DMC1: variants seen among roughly 807,000 people sequenced by gnomAD.
The protein encoded by DMC1 is meiotic recombination protein DMC1 homolog.
DMC1 carries 27 observed loss-of-function variants against 50.1 expected under a neutral mutation model. The ratio of observed to expected loss-of-function variants is 0.54; its 90% confidence interval spans 0.40 to 0.74. The LOEUF is 0.74. Ranked by LOEUF, DMC1 falls within the 30% of genes least tolerant of loss-of-function variation. The probability of loss-of-function intolerance (pLI) is 0.00; values close to 1 mark genes in which losing one functional copy is unlikely to be tolerated. For missense variants in DMC1, 295 were observed against 420.2 expected (o/e 0.70, Z 2.60); for synonymous variants, 148 against 136.1 (o/e 1.09, Z -0.61).
downstream of DMC1, among the ~76,000 whole-genome samples, chr22:38,518,712 T>G (rs56175827): frequency 0.046 from 7,023 of 151,950 alleles, 282 homozygotes; most frequent in East Asian, 0.11. Context: ...TTTGTATTTT[T>G]GTAGAGACGG....
chr22:38,562,493 T>C (rs1228265203), intron 4 of DMC1, 124 bp from the exon 5 acceptor site: 7 of 722,362 alleles, frequency 9.7e-6, no homozygotes, highest in African/African-American at 7.0e-5. Flanking sequence ...ACAGTTCACT[T>C]GTCCTTGAAG....
chr22:38,528,395 T>G (rs2090119042), intron 12 of DMC1, among the ~76,000 whole-genome samples: 1 of 152,016 alleles, frequency 6.6e-6, no homozygotes, highest in Admixed American at 6.6e-5. Context: ...ACAAGGCTCC[T>G]ATGTGCCAGG....
At position 38,519,851 on chromosome 22, in the gene DMC1, C is replaced by A. The variant is rs2090004610; in HGVS notation, c.*169G>T. On this transcript the variant is annotated 3_prime_UTR_variant, in exon 14 of 14. Transcript: ENST00000216024. The stretch of plus-strand genomic sequence containing the variant: ...GAATTTACATACAATGTATAGTTAT[C>A]ATAAATCAGGGACTTTTAAGATAAA... 3.3e-6 allele frequency: 2 copies of A among 607,628 alleles called. No individual in the cohort carries two copies. The highest frequency in any genetic ancestry group is 2.3e-5 in the Admixed American group (1 of 42,636). The allele number at this position is 607,628 out of a possible 1,614,324, so 37.6% of individuals were successfully genotyped here.
chr22:38,535,166 G>A (rs1175650175), intron 12 of DMC1, among the ~76,000 whole-genome samples: 4 of 151,994 alleles, frequency 2.6e-5, no homozygotes, highest in Non-Finnish European at 5.9e-5. Flanking sequence ...GGGTGTGGTG[G>A]TAGGTGCCTG....
chr22:38,539,322 A>G lies in DMC1; in HGVS notation c.585T>C (p.Thr195=), dbSNP rs772253533. ...CATCCAACTGCATGGGGCTCTTACTAGTATATGCACGTGCATAAAGTACGT... is the reference window on the plus strand; with the variant it reads ...CATCCAACTGCATGGGGCTCTTACTGGTATATGCACGTGCATAAAGTACGT... ...LDNVLYARAY[T]SEHQMELLDY... is the part of the protein sequence containing the mutation. Residue 195 remains threonine (T), a splice_region_variant and synonymous_variant, in exon 9 of 14, where the codon ACT becomes ACC. Coordinates refer to ENST00000216024, the MANE Select transcript of DMC1 (RefSeq NM_007068.4). The G allele has an allele frequency of 1.2e-6, 2 of 1,611,696 alleles. No homozygotes were observed. The highest frequency in any genetic ancestry group is 2.2e-5 in the South Asian group (2 of 91,030).
chr22:38,550,057 T>C, intron 7 of DMC1, 60 bp from the exon 8 acceptor site: 3 of 1,216,916 alleles, frequency 2.5e-6, no homozygotes, highest in Middle Eastern at 2.1e-4. Context: ...CACATGACTA[T>C]ATAAATACAC....
intron 6 of DMC1, 87 bp downstream of exon 6, chr22:38,555,266 GTTTA>G (rs776159338): frequency 4.9e-5 from 40 of 821,484 alleles, no homozygotes; most frequent in South Asian, 6.2e-5. Context: ...ATTATTGGTT[GTTTA>G]TTTAATTATA....
intron 8 of DMC1, among the ~76,000 whole-genome samples, chr22:38,548,669 T>C (rs1228664075): frequency 6.6e-6 from 1 of 151,988 alleles, no homozygotes; most frequent in Non-Finnish European, 1.5e-5. Flanking sequence ...AGGTCAGGAG[T>C]TCAAAACCAG....
downstream of DMC1, among the ~76,000 whole-genome samples, chr22:38,516,291 C>T (rs531421457): frequency 5.6e-4 from 86 of 152,296 alleles, 3 homozygotes; most frequent in South Asian, 0.017. Flanking sequence ...AGCCAGATGC[C>T]ATATTGAAAC....
At chr22:38,550,321 T>C (rs1190087343) in intron 7 of DMC1, among the ~76,000 whole-genome samples, 5 of 148,674 alleles carry the variant, frequency 3.4e-5, no homozygotes, top group Non-Finnish European at 6.0e-5. Context: ...TCTTTTCTTT[T>C]TTTTTTTTTT....
intron 4 of DMC1, among the ~76,000 whole-genome samples, chr22:38,563,731 G>A (rs1417884988): frequency 2.7e-5 from 4 of 148,774 alleles, no homozygotes; most frequent in Admixed American, 6.7e-5. Flanking sequence ...ATGGAGTCTC[G>A]CTCTGTCGCC....
At chr22:38,541,701 C>G (rs1010590675) in intron 8 of DMC1, among the ~76,000 whole-genome samples, 4 of 152,138 alleles carry the variant, frequency 2.6e-5, no homozygotes, top group Non-Finnish European at 5.9e-5. Context: ...AACAAAAACT[C>G]CCTCCTTTCC....
At chr22:38,552,113 G>A (rs983000982) in intron 7 of DMC1, among the ~76,000 whole-genome samples, 4 of 151,878 alleles carry the variant, frequency 2.6e-5, no homozygotes, top group Admixed American at 2.6e-4. Flanking sequence ...CGCCCGCCTC[G>A]GCCTCCCAAA....
intron 8 of DMC1, among the ~76,000 whole-genome samples, chr22:38,539,955 C>G (rs1311625229): frequency 6.6e-5 from 10 of 152,118 alleles, no homozygotes; most frequent in Non-Finnish European, 1.5e-5. Context: ...TATTATTAAT[C>G]ACATGTTGTT....
chr22:38,552,528 G>A lies in DMC1; in HGVS notation c.421+138C>T. 4.2e-6 allele frequency: 3 copies of A among 713,588 alleles called. No homozygotes were observed. In the Admixed American group the frequency reaches 7.1e-5, roughly 17 times the overall value. The allele number at this position is 713,588 out of a possible 1,614,324, so 44.2% of individuals were successfully genotyped here. A position where few individuals can be genotyped will look rare whatever the true frequency, so the allele number is the denominator to read the frequency against. ...AAGACCAGCTGTATAACCACGGGCA[G>A]TTTACTTAATCTGCCTGTGTTTTAG... On this transcript the variant is annotated intron_variant, in intron 7 of 13. Transcript: ENST00000216024.
At chr22:38,527,343 T>G (rs1022718326) in intron 12 of DMC1, among the ~76,000 whole-genome samples, 1 of 152,002 alleles carries the variant, frequency 6.6e-6, no homozygotes, top group Non-Finnish European at 1.5e-5. Flanking sequence ...TAGCTGGGAC[T>G]ACAGGCGCCC....
At chr22:38,522,061 C>A (rs1315468853) in intron 12 of DMC1, among the ~76,000 whole-genome samples, 1 of 151,824 alleles carries the variant, frequency 6.6e-6, no homozygotes. Context: ...AAGCGATTCT[C>A]CTGTCTCAGC....
chr22:38,555,659 A>G (rs2145964925), intron 5 of DMC1, among the ~76,000 whole-genome samples: 1 of 152,188 alleles, frequency 6.6e-6, no homozygotes, highest in African/African-American at 2.4e-5. Context: ...TATCGTTCTT[A>G]CTTCAATAGT....
At chr22:38,510,762 G>A in the DMC1 span, among the ~76,000 whole-genome samples, 2 of 152,230 alleles carry the variant, frequency 1.3e-5, no homozygotes, top group Non-Finnish European at 2.9e-5. Flanking sequence ...CACCGAAGGT[G>A]GGGAAAGTGG....
Sources: gnomAD v4.1 joint callset for allele counts (sites outside exome capture counted in the v4.1 genomes callset) on GRCh38, gnomAD v4.1.1 for gene constraint, MANE v1.5 for transcripts, NCBI Gene and HGNC (gene_info 2026-07-23, HGNC 2026-07-21) for gene names.